The following VCAN variants were observed in gnomAD, a reference collection of about 807,000 sequenced individuals.
VCAN encodes the protein versican core protein.
In VCAN, 44 loss-of-function variants were observed where a neutral mutation model predicts 245.5. The observed-to-expected ratio is 0.18, with a 90% confidence interval of 0.14 to 0.23. The LOEUF (loss-of-function observed/expected upper bound fraction) is 0.23. Among genes scored for constraint, VCAN ranks in the 10% least tolerant of loss-of-function variants. VCAN has a pLI of 1.00. For missense variants in VCAN, 3,793 were observed against 4,057.9 expected (o/e 0.93, Z 1.77); for synonymous variants, 1,413 against 1,437.0 (o/e 0.98, Z 0.38).
intron 12 of VCAN, among the ~76,000 whole-genome samples, chr5:83,570,943 G>C (rs1311614225): frequency 1.3e-5 from 2 of 150,336 alleles, no homozygotes; most frequent in Admixed American, 6.7e-5. Context: ...TTAACTCATT[G>C]TCTCAAACCA....
At chr5:83,575,334 C>T (rs917886557) in intron 13 of VCAN, among the ~76,000 whole-genome samples, 4 of 152,146 alleles carry the variant, frequency 2.6e-5, no homozygotes, top group Non-Finnish European at 4.4e-5. Context: ...CTGACCATGT[C>T]CCTTACTTCA....
rs765087366 is a variant in VCAN at position 83,540,793 on chromosome 5, T to C, written c.7790T>C (p.Ile2597Thr). The change falls in exon 8 of 15, where the codon ATA becomes ACA. Residue 2597 changes from isoleucine to threonine, a missense_variant. By Grantham distance (89) the Ile-to-Thr change is moderately conservative. Coordinates refer to ENST00000265077, the MANE Select transcript of VCAN (RefSeq NM_004385.5). ...GACATTCTTGGAATGCAAACAGATA[T>C]AGATACAGAGGTACCATCAGAACCA... ...YEDILGMQTD[I>T]DTEVPSEPHD... 1.2e-6 allele frequency: 2 copies of C among 1,613,954 alleles called. No homozygotes were observed. Among genetic ancestry groups the C allele is most frequent in the East Asian group, 2.2e-5 (1 of 44,816 alleles).
At chr5:83,524,775 A>G (rs907345194) in intron 7 of VCAN, among the ~76,000 whole-genome samples, 2 of 152,194 alleles carry the variant, frequency 1.3e-5, no homozygotes, top group Non-Finnish European at 2.9e-5. Context: ...CCTAAAGCAG[A>G]TGTTCAATTA....
chr5:83,519,229 A>T, intron 6 of VCAN, 120 bp from the exon 7 acceptor site: 1 of 947,178 alleles, frequency 1.1e-6, no homozygotes, highest in Non-Finnish European at 1.6e-6. Context: ...CCATCACAGA[A>T]CATTTCTGGG....
At chr5:83,546,133 C>T (rs956475623) in intron 9 of VCAN, among the ~76,000 whole-genome samples, 9 of 152,018 alleles carry the variant, frequency 5.9e-5, no homozygotes, top group African/African-American at 1.7e-4. Flanking sequence ...CAACGTGCCT[C>T]GGCCTCAGGG....
At chr5:83,504,536 C>A (rs187428213) in intron 5 of VCAN, among the ~76,000 whole-genome samples, 2 of 152,114 alleles carry the variant, frequency 1.3e-5, no homozygotes, top group African/African-American at 4.8e-5. Flanking sequence ...CATGCACCAC[C>A]ATGCCTGGCT....
chr5:83,536,904 C>T, intron 7 of VCAN, 103 bp from the exon 8 acceptor site: 1 of 935,250 alleles, frequency 1.1e-6, no homozygotes, highest in Non-Finnish European at 1.6e-6. Flanking sequence ...AGATTTGAAT[C>T]CTTCTTTGTG....
intron 12 of VCAN, among the ~76,000 whole-genome samples, chr5:83,572,161 A>G (rs993132719): frequency 3.9e-5 from 6 of 152,212 alleles, no homozygotes; most frequent in African/African-American, 1.4e-4. Flanking sequence ...TTAGAAATCT[A>G]GAATAACTAG....
At chr5:83,491,721 C>T (rs2112355615) in intron 3 of VCAN, among the ~76,000 whole-genome samples, 1 of 152,304 alleles carries the variant, frequency 6.6e-6, no homozygotes, top group East Asian at 1.9e-4. Flanking sequence ...ATCTCCTTAG[C>T]TCCATGGGGT....
At chr5:83,504,519 T>G (rs1196198342) in intron 5 of VCAN, among the ~76,000 whole-genome samples, 1 of 151,978 alleles carries the variant, frequency 6.6e-6, no homozygotes, top group African/African-American at 2.4e-5. Flanking sequence ...GTAGCTGGGA[T>G]TACAGGCATG....
intron 7 of VCAN, among the ~76,000 whole-genome samples, chr5:83,530,405 C>T (rs371605657): frequency 3.9e-5 from 6 of 152,110 alleles, no homozygotes; most frequent in Admixed American, 2.6e-4. Flanking sequence ...GCTCTTAGAT[C>T]GTTCATTTGT....
At chr5:83,489,577 T>C (rs1325456822) in intron 2 of VCAN, among the ~76,000 whole-genome samples, 1 of 152,200 alleles carries the variant, frequency 6.6e-6, no homozygotes, top group African/African-American at 2.4e-5. Flanking sequence ...AGGCTTTCCC[T>C]GGTTCCAGTC....
intron 12 of VCAN, among the ~76,000 whole-genome samples, chr5:83,570,194 C>T (rs532248206): frequency 7.9e-5 from 12 of 152,014 alleles, no homozygotes; most frequent in South Asian, 2.1e-4. Context: ...ATTTAGGCTA[C>T]GAGTTGGATT....
At chr5:83,548,164 C>A in intron 10 of VCAN, 80 bp downstream of exon 10, 1 of 1,022,068 alleles carries the variant, frequency 9.8e-7, no homozygotes, top group Non-Finnish European at 1.5e-6. Flanking sequence ...ATAATCTTTC[C>A]TGCAGTGGAA....
At chr5:83,552,419 G>A (rs1040804382) in intron 10 of VCAN, among the ~76,000 whole-genome samples, 1 of 152,078 alleles carries the variant, frequency 6.6e-6, no homozygotes, top group Non-Finnish European at 1.5e-5. Context: ...TATAATTGTG[G>A]GGTGTATTTT....
Position 83,502,128 on chromosome 5 carries a change from G to A in VCAN, c.748+8197G>A, listed in dbSNP as rs372382695. 5.9e-5 allele frequency among the ~76,000 whole-genome samples: 9 copies of A among 152,058 alleles called. No homozygotes were observed. The East Asian group carries it at 9.7e-4, about 16-fold the overall frequency. ...GAAATGCAATTGATTTTTATATATAGGTCTTGTATCTTGCAACCTTGCTGA... is the reference window on the plus strand; with the variant it reads ...GAAATGCAATTGATTTTTATATATAAGTCTTGTATCTTGCAACCTTGCTGA... On this transcript the variant is annotated intron_variant, in intron 5 of 14. Transcript: ENST00000265077.
chr5:83,571,153 T>A (rs1409727601), intron 12 of VCAN, among the ~76,000 whole-genome samples: 1 of 152,132 alleles, frequency 6.6e-6, no homozygotes, highest in African/African-American at 2.4e-5. Flanking sequence ...ATGCTCAAAT[T>A]GACCCAGAAA....
chr5:83,544,484 A>G (rs1747127298), intron 8 of VCAN, among the ~76,000 whole-genome samples: 2 of 152,190 alleles, frequency 1.3e-5, no homozygotes, highest in South Asian at 2.1e-4. Flanking sequence ...CTAATGTTTC[A>G]TAAGAAGTTA....
Position 83,521,944 on chromosome 5 carries a change from C to T in VCAN, c.3638C>T (p.Ser1213Leu), listed in dbSNP as rs1213650605. Reference protein sequence around the residue: ...VPSDITTAFSSVDRLHTTSAF... With the variant: ...VPSDITTAFSLVDRLHTTSAF... ...AGTGATATTACCACTGCCTTCAGTT[C>T]AGTAGACAGACTTCACACAACTTCA... is the stretch of plus-strand genomic sequence containing the variant. Residue 1213 changes from serine (S) to leucine (L), a missense_variant, in exon 7 of 15, where the codon TCA (serine) becomes TTA (leucine). Coordinates refer to ENST00000265077, the MANE Select transcript of VCAN (RefSeq NM_004385.5). 1.9e-6 allele frequency: 3 copies of T among 1,614,178 alleles called. No homozygotes were observed. The highest frequency in any genetic ancestry group is 1.7e-6 in the Non-Finnish European group (2 of 1,180,012).
Sources: gnomAD v4.1 joint callset for allele counts (sites outside exome capture counted in the v4.1 genomes callset) on GRCh38, gnomAD v4.1.1 for gene constraint, MANE v1.5 for transcripts, NCBI Gene and HGNC (gene_info 2026-07-23, HGNC 2026-07-21) for gene names.